HS3ST4: variants seen among roughly 807,000 people sequenced by gnomAD.
HS3ST4 encodes the protein heparan sulfate glucosamine 3-O-sulfotransferase 4.
A neutral mutation model predicts 29.2 loss-of-function variants in HS3ST4; 17 were observed. The observed-to-expected ratio is 0.58, with a 90% CI of 0.40 to 0.87. The LOEUF (loss-of-function observed/expected upper bound fraction) is 0.87. Among genes scored for constraint, HS3ST4 ranks in the 40% least tolerant of loss-of-function variants. The pLI is 0.00. For missense variants in HS3ST4, 627 were observed against 634.5 expected, an observed-to-expected ratio of 0.99 and a Z score of 0.13; for synonymous variants, 314 against 285.7, an observed-to-expected ratio of 1.10 and a Z score of -1.00.
At chr16:26,090,890 G>A (rs1442044866) in intron 1 of HS3ST4, among the ~76,000 whole-genome samples, 2 of 152,168 alleles carry the variant, frequency 1.3e-5, no homozygotes, top group East Asian at 3.9e-4. Flanking sequence ...GGAGAATGAG[G>A]TGCATGCCTG....
intron 1 of HS3ST4, among the ~76,000 whole-genome samples, chr16:25,758,322 G>A (rs1378681824): frequency 6.6e-6 from 1 of 152,086 alleles, no homozygotes; most frequent in Admixed American, 6.5e-5. Context: ...GTTAATCATG[G>A]TCTCTCTGCC....
In HS3ST4 at chr16:25,836,888, A is replaced by G. The variant is rs994866413; in HGVS notation, c.734+143737A>G. Among the ~76,000 whole-genome samples, 4 of 152,350 alleles carry G rather than the reference A, an allele frequency of 2.6e-5. No individual in the cohort carries two copies. The South Asian group carries it at 8.3e-4, about 32-fold the overall frequency. ...TTAAGGTGACTTCAGGACTATGGAT[A>G]TGGTACCTCCCAAAATGTACTCGAC... On this transcript the variant is annotated intron_variant, in intron 1 of 1. Transcript: ENST00000331351.
chr16:25,797,554 A>G (rs761086340), intron 1 of HS3ST4, among the ~76,000 whole-genome samples: 2 of 152,180 alleles, frequency 1.3e-5, no homozygotes, highest in African/African-American at 2.4e-5. Flanking sequence ...TTTAATAATA[A>G]TATCATTGTT....
At chr16:25,932,261 T>C (rs569707219) in intron 1 of HS3ST4, among the ~76,000 whole-genome samples, 2 of 152,182 alleles carry the variant, frequency 1.3e-5, no homozygotes, top group South Asian at 4.2e-4. Context: ...CTGCAGTGAA[T>C]TGTGATTGTG....
intron 1 of HS3ST4, among the ~76,000 whole-genome samples, chr16:26,029,292 C>T (rs1238604900): frequency 6.6e-6 from 1 of 152,218 alleles, no homozygotes; most frequent in Admixed American, 6.5e-5. Flanking sequence ...GCCTGAACAG[C>T]CACAGGGGCC....
chr16:25,949,915 G>A (rs1345706403), intron 1 of HS3ST4, among the ~76,000 whole-genome samples: 1 of 152,158 alleles, frequency 6.6e-6, no homozygotes, highest in Non-Finnish European at 1.5e-5. Flanking sequence ...GAGGATGCTG[G>A]CCGAAGTTTG....
chr16:25,717,456 C>T (rs369057759), intron 1 of HS3ST4, among the ~76,000 whole-genome samples: 1 of 151,256 alleles, frequency 6.6e-6, no homozygotes, highest in Non-Finnish European at 1.5e-5. Context: ...AGGGAGATTC[C>T]TCTGAATAAG....
At chr16:25,756,166 A>G (rs928011829) in intron 1 of HS3ST4, among the ~76,000 whole-genome samples, 9 of 141,016 alleles carry the variant, frequency 6.4e-5, no homozygotes, top group Non-Finnish European at 1.2e-4. Flanking sequence ...ACACACACAC[A>G]CACACACACA....
intron 1 of HS3ST4, among the ~76,000 whole-genome samples, chr16:26,128,163 TATC>T (rs1361338516): frequency 6.6e-6 from 1 of 152,198 alleles, no homozygotes; most frequent in African/African-American, 2.4e-5. Context: ...ATTTGACACT[TATC>T]ATTCTGTTTG....
chr16:25,788,546 T>TC (rs1555465807), intron 1 of HS3ST4, among the ~76,000 whole-genome samples: 3 of 138,190 alleles, frequency 2.2e-5, no homozygotes, highest in East Asian at 2.0e-4. Flanking sequence ...TCTTCTTTCT[T>TC]TTTTTTTTTT....
At chr16:26,002,273 T>A (rs1237333619) in intron 1 of HS3ST4, among the ~76,000 whole-genome samples, 1 of 152,168 alleles carries the variant, frequency 6.6e-6, no homozygotes, top group African/African-American at 2.4e-5. Context: ...TGGGAATGGC[T>A]GGTATTACTC....
At chr16:26,085,000 G>A (rs1290575203) in intron 1 of HS3ST4, among the ~76,000 whole-genome samples, 1 of 152,162 alleles carries the variant, frequency 6.6e-6, no homozygotes, top group East Asian at 1.9e-4. Flanking sequence ...AAGAGACTGT[G>A]GCTGAACATT....
chr16:26,058,596 A>T (rs1313288294), intron 1 of HS3ST4, among the ~76,000 whole-genome samples: 4 of 152,170 alleles, frequency 2.6e-5, no homozygotes, highest in African/African-American at 9.7e-5. Flanking sequence ...CCTGTCCATC[A>T]TGTCTTGGCC....
chr16:25,875,454 G>C (rs1967820881), intron 1 of HS3ST4, among the ~76,000 whole-genome samples: 1 of 152,116 alleles, frequency 6.6e-6, no homozygotes, highest in Non-Finnish European at 1.5e-5. Flanking sequence ...TTCCTTCCAA[G>C]ACACAGACAG....
At chr16:26,086,775 T>A (rs1898794651) in intron 1 of HS3ST4, among the ~76,000 whole-genome samples, 2 of 152,230 alleles carry the variant, frequency 1.3e-5, no homozygotes, top group Non-Finnish European at 2.9e-5. Context: ...ATCTCTTCCT[T>A]CATTCACTTC....
At chr16:25,814,354 G>C (rs1323220662) in intron 1 of HS3ST4, among the ~76,000 whole-genome samples, 1 of 151,482 alleles carries the variant, frequency 6.6e-6, no homozygotes, top group Admixed American at 6.6e-5. Context: ...TTTTTTTGGC[G>C]GGGGCGGGGG....
At chr16:26,061,345 G>C (rs575433801) in intron 1 of HS3ST4, among the ~76,000 whole-genome samples, 6 of 152,284 alleles carry the variant, frequency 3.9e-5, no homozygotes, top group African/African-American at 1.4e-4. Context: ...ACTTGTTGCT[G>C]AACGGCGTGG....
chr16:25,918,135 G>T (rs1017500432), intron 1 of HS3ST4, among the ~76,000 whole-genome samples: 3 of 152,154 alleles, frequency 2.0e-5, no homozygotes, highest in African/African-American at 7.2e-5. Context: ...TTGGACAGTA[G>T]GTCTTGGTGA....
At chr16:25,893,223 A>G (rs1226288847) in intron 1 of HS3ST4, among the ~76,000 whole-genome samples, 3 of 152,206 alleles carry the variant, frequency 2.0e-5, no homozygotes, top group Non-Finnish European at 4.4e-5. Context: ...GAGAAAAGTC[A>G]TGTGAGAACT....
Sources: gnomAD v4.1 joint callset for allele counts (sites outside exome capture counted in the v4.1 genomes callset) on GRCh38, gnomAD v4.1.1 for gene constraint, MANE v1.5 for transcripts, NCBI Gene and HGNC (gene_info 2026-07-23, HGNC 2026-07-21) for gene names.